Variants in GRID2 observed in about 807,000 individuals in gnomAD.
GRID2 encodes glutamate receptor ionotropic, delta-2.
Under a neutral mutation model 114.8 loss-of-function variants are expected in GRID2, and 33 were observed. The observed-to-expected ratio is 0.29, with a 90% CI of 0.22 to 0.38. The LOEUF (loss-of-function observed/expected upper bound fraction) is 0.38. Among genes scored for constraint, GRID2 ranks in the 10% least tolerant of loss-of-function variants. The probability of loss-of-function intolerance (pLI) is 1.00; values close to 1 mark genes in which losing one functional copy is unlikely to be tolerated. For synonymous variants in GRID2, 505 were observed against 449.9 expected (o/e 1.12, Z -1.55); for missense variants, 1,184 against 1,257.7 (o/e 0.94, Z 0.89).
intron 2 of GRID2, among the ~76,000 whole-genome samples, chr4:92,632,441 C>G (rs1730853824): frequency 6.6e-6 from 1 of 152,032 alleles, no homozygotes; most frequent in Non-Finnish European, 1.5e-5. Flanking sequence ...TCAGACCAGC[C>G]TGGTCAACAA....
At chr4:92,446,442 TATTCAACATTTACTA>T (rs149929539) in intron 1 of GRID2, among the ~76,000 whole-genome samples, 7,736 of 152,334 alleles carry the variant, frequency 0.051, 252 homozygotes, top group East Asian at 0.083. Flanking sequence ...AGTGTATCTT[TATTCAACATTTACTA>T]ATACTATCAT....
intron 3 of GRID2, among the ~76,000 whole-genome samples, chr4:93,088,108 A>G (rs1260331299): frequency 1.3e-5 from 2 of 152,176 alleles, no homozygotes; most frequent in Admixed American, 1.3e-4. Context: ...CTTCTATATC[A>G]AGTTAATTAG....
intron 2 of GRID2, among the ~76,000 whole-genome samples, chr4:92,617,388 C>T (rs939644516): frequency 3.3e-5 from 5 of 151,500 alleles, no homozygotes; most frequent in South Asian, 2.1e-4. Flanking sequence ...CCCCCATCCC[C>T]GACAGGCCCT....
chr4:92,432,881 G>A (rs913944379), intron 1 of GRID2, among the ~76,000 whole-genome samples: 2 of 152,062 alleles, frequency 1.3e-5, no homozygotes, highest in African/African-American at 4.8e-5. Context: ...AGGGTACTAG[G>A]TCTCCCCCAA....
intron 2 of GRID2, among the ~76,000 whole-genome samples, chr4:92,715,025 A>G (rs1016262549): frequency 6.6e-6 from 1 of 152,142 alleles, no homozygotes; most frequent in Non-Finnish European, 1.5e-5. Flanking sequence ...TCATATTGTC[A>G]GGTTGCGAAT....
intron 2 of GRID2, among the ~76,000 whole-genome samples, chr4:92,937,705 T>A (rs946824059): frequency 1.4e-5 from 2 of 146,846 alleles, no homozygotes; most frequent in Admixed American, 7.4e-5. Context: ...GATTTTAGGA[T>A]CAGCTTTCTT....
chr4:93,745,382 T>A (rs1489666055), intron 14 of GRID2, among the ~76,000 whole-genome samples: 1 of 152,192 alleles, frequency 6.6e-6, no homozygotes, highest in Non-Finnish European at 1.5e-5. Context: ...ATTTAATACA[T>A]CCCTTAGCTA....
intron 4 of GRID2, among the ~76,000 whole-genome samples, chr4:93,171,109 G>T (rs1467475428): frequency 6.6e-6 from 1 of 152,088 alleles, no homozygotes; most frequent in Non-Finnish European, 1.5e-5. Context: ...TATCTCACTT[G>T]TAGTAAAATA....
At chr4:92,464,728 T>C (rs1560648585) in intron 1 of GRID2, among the ~76,000 whole-genome samples, 1 of 152,072 alleles carries the variant, frequency 6.6e-6, no homozygotes, top group Non-Finnish European at 1.5e-5. Flanking sequence ...ACATAAATGT[T>C]AAAAAGAATA....
intron 1 of GRID2, among the ~76,000 whole-genome samples, chr4:92,585,027 A>G (rs1307200113): frequency 6.6e-6 from 1 of 152,074 alleles, no homozygotes; most frequent in Non-Finnish European, 1.5e-5. Flanking sequence ...TATTTCCACT[A>G]TGGCTTTATT....
At chr4:92,468,525 AACTT>A (rs745743609) in intron 1 of GRID2, among the ~76,000 whole-genome samples, 4 of 152,212 alleles carry the variant, frequency 2.6e-5, no homozygotes, top group African/African-American at 7.2e-5. Context: ...ATTTTTAAAA[AACTT>A]AATTAAACAC....
chr4:92,590,357 C>G (rs1579639833), intron 2 of GRID2, 71 bp downstream of exon 2: 7 of 1,072,722 alleles, frequency 6.5e-6, no homozygotes. Flanking sequence ...TTTGATGAAA[C>G]TTATTAAACA....
intron 2 of GRID2, among the ~76,000 whole-genome samples, chr4:92,744,812 G>A (rs532606987): frequency 3.9e-5 from 6 of 152,110 alleles, no homozygotes; most frequent in South Asian, 2.1e-4. Context: ...TTTGTAAATC[G>A]TTATTTATCT....
At chr4:92,677,152 G>A (rs1490674293) in intron 2 of GRID2, among the ~76,000 whole-genome samples, 1 of 152,116 alleles carries the variant, frequency 6.6e-6, no homozygotes, top group Non-Finnish European at 1.5e-5. Flanking sequence ...AATGTGTACA[G>A]TTTCAGTAGG....
chr4:92,589,904 G>T (rs916323443), intron 1 of GRID2, among the ~76,000 whole-genome samples: 2 of 151,912 alleles, frequency 1.3e-5, no homozygotes, highest in Non-Finnish European at 2.9e-5. Flanking sequence ...TGACCTCCCC[G>T]CAATAACACT....
At chr4:92,784,783 G>A (rs904971724) in intron 2 of GRID2, among the ~76,000 whole-genome samples, 5 of 151,852 alleles carry the variant, frequency 3.3e-5, no homozygotes, top group Non-Finnish European at 5.9e-5. Context: ...TAGCAAACCA[G>A]GTGCCAAATA....
chr4:93,423,230 G>A (rs1768476487), intron 10 of GRID2, among the ~76,000 whole-genome samples: 1 of 150,984 alleles, frequency 6.6e-6, no homozygotes, highest in South Asian at 2.1e-4. Flanking sequence ...TTTAGAAGAA[G>A]ACCTTTTCTT....
downstream of GRID2, among the ~76,000 whole-genome samples, chr4:93,776,220 C>T (rs1272618674): frequency 4.6e-5 from 7 of 152,206 alleles, no homozygotes; most frequent in Middle Eastern, 3.4e-3. Flanking sequence ...ATCTTATAGC[C>T]AACCCTCATG....
At chr4:92,511,730 A>C (rs1724261220) in intron 1 of GRID2, among the ~76,000 whole-genome samples, 1 of 152,020 alleles carries the variant, frequency 6.6e-6, no homozygotes, top group East Asian at 2.0e-4. Flanking sequence ...GAACAAGCAA[A>C]TCAATGAAAG....
Sources: allele counts gnomAD v4.1 joint callset (sites outside exome capture counted in the v4.1 genomes callset), GRCh38; gene constraint gnomAD v4.1.1; transcripts MANE v1.5; gene names NCBI Gene and HGNC (gene_info 2026-07-23, HGNC 2026-07-21).